The following TTC6 variants were observed in gnomAD, a reference collection of about 807,000 sequenced individuals.
TTC6 encodes the protein tetratricopeptide repeat protein 6.
Under a neutral mutation model 210.4 loss-of-function variants are expected in TTC6, and 172 were observed. That is an observed-to-expected ratio of 0.82 (90% CI 0.72 to 0.93). The LOEUF (loss-of-function observed/expected upper bound fraction) is 0.93, where lower values mean the gene tolerates loss of function less well. Among genes scored for constraint, TTC6 ranks in the 40% least tolerant of loss-of-function variants. The pLI is 0.00. For missense variants in TTC6, 2,414 were observed against 2,318.1 expected, an observed-to-expected ratio of 1.04 and a Z score of -0.85; for synonymous variants, 804 against 819.6, an observed-to-expected ratio of 0.98 and a Z score of 0.32.
upstream of TTC6, chr14:37,621,963 T>C (rs2095651767): frequency 3.5e-6 from 3 of 863,744 alleles, no homozygotes; most frequent in Middle Eastern, 2.3e-4. Context: ...GAAGCTTTGC[T>C]GAGCTGAAAT....
At chr14:37,656,508 TGTGTGC>T (rs2095723351) in intron 1 of TTC6, among the ~76,000 whole-genome samples, 1 of 78,952 alleles carries the variant, frequency 1.3e-5, no homozygotes, top group African/African-American at 6.0e-5. Flanking sequence ...CAGGTGTGTG[TGTGTGC>T]GTGTGTGTGT....
chr14:37,671,294 G>A lies in TTC6; in HGVS notation c.940-8857G>A, dbSNP rs143876935. 1.9e-3 allele frequency among the ~76,000 whole-genome samples: 288 copies of A among 152,202 alleles called. 1 individual carries two copies. Among genetic ancestry groups the A allele is most frequent in the African/African-American group, 6.4e-3 (265 of 41,514 alleles). ...ATGAGTGATCCAGAGAGGGCAATGCGGAACTTGCCATATTTTTTTTGAAAT... is the reference window on the plus strand; with the variant it reads ...ATGAGTGATCCAGAGAGGGCAATGCAGAACTTGCCATATTTTTTTTGAAAT... On this transcript the variant is annotated intron_variant, in intron 1 of 30. Transcript: ENST00000553443.
chr14:37,643,058 A>G (rs1031286527), intron 1 of TTC6, among the ~76,000 whole-genome samples: 1 of 152,228 alleles, frequency 6.6e-6, no homozygotes, highest in Admixed American at 6.5e-5. Context: ...CTGTAATCCC[A>G]GCACTTTGGG....
intron 1 of TTC6, among the ~76,000 whole-genome samples, chr14:37,654,330 G>T (rs889217272): frequency 6.6e-6 from 1 of 152,076 alleles, no homozygotes; most frequent in African/African-American, 2.4e-5. Flanking sequence ...TGATGTGGTT[G>T]TTTCACATTG....
intron 9 of TTC6, 118 bp from the exon 12 acceptor site, chr14:37,738,658 C>A: frequency 1.1e-6 from 1 of 898,578 alleles, no homozygotes; most frequent in Non-Finnish European, 1.5e-6. Context: ...GATTTTTAAA[C>A]TTTTAAATTA....
intron 1 of TTC6, among the ~76,000 whole-genome samples, chr14:37,623,505 T>C (rs983459845): frequency 3.9e-5 from 6 of 152,240 alleles, no homozygotes; most frequent in Non-Finnish European, 8.8e-5. Flanking sequence ...AAAACTTTAT[T>C]TTCTATGTCT....
chr14:37,621,770 C>T (rs1406323682), upstream of TTC6, among the ~76,000 whole-genome samples: 8 of 151,956 alleles, frequency 5.3e-5, no homozygotes, highest in African/African-American at 1.9e-4. Context: ...TGGAACATTA[C>T]TAATTAGAGT....
intron 14 of TTC6, among the ~76,000 whole-genome samples, chr14:37,777,084 T>C (rs2096040009): frequency 6.6e-6 from 1 of 152,144 alleles, no homozygotes; most frequent in Non-Finnish European, 1.5e-5. Context: ...TTGGGGATGG[T>C]CTTTTTATGT....
At chr14:37,790,907 A>C (rs2139332240) in intron 16 of TTC6, 70 bp downstream of exon 18, 1 of 1,361,192 alleles carries the variant, frequency 7.3e-7, no homozygotes, top group South Asian at 1.4e-5. Context: ...TGGGAGAAAA[A>C]GTTTCTTTCC....
chr14:37,604,190 C>T (rs1208575153), intron 1 of TTC6, among the ~76,000 whole-genome samples: 1 of 152,160 alleles, frequency 6.6e-6, no homozygotes, highest in African/African-American at 2.4e-5. Flanking sequence ...AACTGGGCTG[C>T]CGGGGGGCGG....
At chr14:37,747,614 C>T (rs966505551) in intron 10 of TTC6, among the ~76,000 whole-genome samples, 2 of 152,122 alleles carry the variant, frequency 1.3e-5, no homozygotes, top group Non-Finnish European at 2.9e-5. Flanking sequence ...TGATTTCACT[C>T]TCCTCCTTCC....
chr14:37,602,132 G>A (rs1594992225), intron 1 of TTC6, among the ~76,000 whole-genome samples: 1 of 152,340 alleles, frequency 6.6e-6, no homozygotes, highest in South Asian at 2.1e-4. Context: ...GGGGCTCTGC[G>A]CGCCCGCAGG....
intron 1 of TTC6, among the ~76,000 whole-genome samples, chr14:37,630,398 G>T (rs894599764): frequency 6.6e-6 from 1 of 152,192 alleles, no homozygotes; most frequent in African/African-American, 2.4e-5. Flanking sequence ...TTTTGAGTGA[G>T]TTTCTTAATC....
intron 3 of TTC6, among the ~76,000 whole-genome samples, chr14:37,695,505 C>G (rs1027464632): frequency 3.3e-5 from 5 of 152,096 alleles, no homozygotes; most frequent in Non-Finnish European, 5.9e-5. Flanking sequence ...CAGGCATGCA[C>G]CACCACGCCT....
At chr14:37,701,601 A>T (rs988285609) in intron 5 of TTC6, 75 bp downstream of exon 7, 1 of 1,304,002 alleles carries the variant, frequency 7.7e-7, no homozygotes, top group Non-Finnish European at 1.0e-6. Flanking sequence ...TGAGTTCTAG[A>T]TTTTAAAGAC....
intron 1 of TTC6, among the ~76,000 whole-genome samples, chr14:37,657,080 C>T (rs903816745): frequency 4.0e-5 from 6 of 151,856 alleles, no homozygotes; most frequent in African/African-American, 1.4e-4. Flanking sequence ...GGCGTAGTGG[C>T]GCATACCGGT....
At chr14:37,794,761 G>GT (rs1374326858) in intron 17 of TTC6, among the ~76,000 whole-genome samples, 2 of 151,462 alleles carry the variant, frequency 1.3e-5, no homozygotes, top group Non-Finnish European at 2.9e-5. Context: ...TCCTATTATT[G>GT]TTTTTGTCTA....
At chr14:37,745,465 G>C (rs566201443) in intron 10 of TTC6, among the ~76,000 whole-genome samples, 44 of 152,086 alleles carry the variant, frequency 2.9e-4, no homozygotes, top group Admixed American at 5.9e-4. Context: ...ATGTGAGATG[G>C]GATGAGGACA....
At chr14:37,786,755 A>G (rs556468020) in intron 14 of TTC6, among the ~76,000 whole-genome samples, 4 of 152,308 alleles carry the variant, frequency 2.6e-5, no homozygotes, top group Admixed American at 6.5e-5. Context: ...TTCCTATTTG[A>G]CCATCTTGGA....
Sources: gnomAD v4.1 joint callset for allele counts (sites outside exome capture counted in the v4.1 genomes callset) on GRCh38, gnomAD v4.1.1 for gene constraint, MANE v1.5 for transcripts, NCBI Gene and HGNC (gene_info 2026-07-23, HGNC 2026-07-21) for gene names.